SH3PXD2A: variants seen among roughly 807,000 people sequenced by gnomAD.
SH3PXD2A encodes SH3 and PX domain-containing protein 2A.
Under a neutral mutation model 115.2 loss-of-function variants are expected in SH3PXD2A, and 32 were observed. The ratio of observed to expected loss-of-function variants is 0.28; its 90% confidence interval spans 0.21 to 0.37. The LOEUF is 0.37. Among genes scored for constraint, SH3PXD2A ranks in the 10% least tolerant of loss-of-function variants. The pLI, the probability that SH3PXD2A is intolerant of heterozygous loss-of-function variation, is 1.00. For synonymous variants in SH3PXD2A, 610 were observed against 629.1 expected (o/e 0.97, Z 0.45); for missense variants, 1,328 against 1,498.7 (o/e 0.89, Z 1.88).
chr10:103,824,480 T>C (rs2039410721), intron 1 of SH3PXD2A, among the ~76,000 whole-genome samples: 1 of 152,098 alleles, frequency 6.6e-6, no homozygotes, highest in Non-Finnish European at 1.5e-5. Flanking sequence ...TCTGAGAACA[T>C]TTTCCTTATC....
chr10:103,847,845 A>G (rs1177617162), intron 1 of SH3PXD2A, among the ~76,000 whole-genome samples: 1 of 152,152 alleles, frequency 6.6e-6, no homozygotes, highest in Non-Finnish European at 1.5e-5. Flanking sequence ...AGGCTAAGGC[A>G]CGAGAATCGC....
chr10:103,817,148 C>CT lies in SH3PXD2A; in HGVS notation c.73-15787dup, dbSNP rs113978049. On this transcript the variant is annotated intron_variant, in intron 1 of 14. Coordinates refer to ENST00000369774, the MANE Select transcript of SH3PXD2A (RefSeq NM_001394015.1). ...TGTGAGCCACCATGCCCGGTCTATT[C>CT]TTTTTTTTTTTTAACTTTTATTTTA... 3.1e-3 allele frequency among the ~76,000 whole-genome samples: 438 copies of CT among 139,846 alleles called. 5 individuals carry two copies. The highest frequency in any genetic ancestry group is 0.01 in the African/African-American group (398 of 38,604). The allele number at this position is 139,846 out of a possible 152,430, so 91.7% of individuals were successfully genotyped here. A position where few individuals can be genotyped will look rare whatever the true frequency, so the allele number is the denominator to read the frequency against.
chr10:103,796,030 T>A (rs2039085022), intron 2 of SH3PXD2A, among the ~76,000 whole-genome samples: 1 of 151,934 alleles, frequency 6.6e-6, no homozygotes. Flanking sequence ...AGTGTGGGTG[T>A]TTGGCTATGT....
intron 3 of SH3PXD2A, among the ~76,000 whole-genome samples, chr10:103,762,137 T>A (rs1216299722): frequency 6.7e-6 from 1 of 149,064 alleles, no homozygotes; most frequent in Non-Finnish European, 1.5e-5. Flanking sequence ...TTCTCTCACC[T>A]CAGTCTCCCA....
At chr10:103,684,173 G>A (rs1029270550) in intron 6 of SH3PXD2A, among the ~76,000 whole-genome samples, 3 of 152,028 alleles carry the variant, frequency 2.0e-5, no homozygotes, top group South Asian at 4.2e-4. Flanking sequence ...TGTGCTTCAG[G>A]ACAGCCCTCC....
chr10:103,684,810 C>G (rs898186047), intron 6 of SH3PXD2A, among the ~76,000 whole-genome samples: 2 of 151,964 alleles, frequency 1.3e-5, no homozygotes, highest in South Asian at 4.2e-4. Context: ...AGGATAGTCA[C>G]TTGATCCTAG....
chr10:103,785,321 C>G (rs1356363999), intron 2 of SH3PXD2A, among the ~76,000 whole-genome samples: 3 of 152,128 alleles, frequency 2.0e-5, no homozygotes, highest in East Asian at 1.9e-4. Flanking sequence ...AGGGATTAGG[C>G]AATGGAACAG....
At chr10:103,852,077 A>C (rs868605931) in intron 1 of SH3PXD2A, among the ~76,000 whole-genome samples, 1 of 152,228 alleles carries the variant, frequency 6.6e-6, no homozygotes, top group Non-Finnish European at 1.5e-5. Flanking sequence ...TCAGAGGCCA[A>C]AGCCAGTTTA....
At chr10:103,787,716 C>A (rs556334059) in intron 2 of SH3PXD2A, among the ~76,000 whole-genome samples, 1 of 152,236 alleles carries the variant, frequency 6.6e-6, no homozygotes, top group Non-Finnish European at 1.5e-5. Flanking sequence ...CACCCAAAGA[C>A]CCTCTGCCAG....
At chr10:103,630,992 T>C (rs999755211) in intron 8 of SH3PXD2A, among the ~76,000 whole-genome samples, 1 of 152,190 alleles carries the variant, frequency 6.6e-6, no homozygotes, top group Non-Finnish European at 1.5e-5. Context: ...CAAGCCCTTA[T>C]ATATACATTT....
At chr10:103,636,797 C>G (rs966136515) in intron 8 of SH3PXD2A, among the ~76,000 whole-genome samples, 1 of 152,162 alleles carries the variant, frequency 6.6e-6, no homozygotes, top group African/African-American at 2.4e-5. Flanking sequence ...GAAATCCTCT[C>G]GTCCTCCCGC....
intron 13 of SH3PXD2A, among the ~76,000 whole-genome samples, chr10:103,608,028 G>T (rs1201444332): frequency 6.6e-6 from 1 of 151,588 alleles, no homozygotes; most frequent in Non-Finnish European, 1.5e-5. Context: ...AGGCCTCGGG[G>T]TCCTCTGCCT....
chr10:103,848,595 C>T (rs965501943), intron 1 of SH3PXD2A, among the ~76,000 whole-genome samples: 7 of 152,142 alleles, frequency 4.6e-5, no homozygotes, highest in African/African-American at 1.7e-4. Flanking sequence ...CATCCACCCT[C>T]GGCTTTGCCC....
intron 2 of SH3PXD2A, among the ~76,000 whole-genome samples, chr10:103,769,585 C>T (rs2038797975): frequency 6.6e-6 from 1 of 151,922 alleles, no homozygotes; most frequent in South Asian, 2.1e-4. Context: ...GTGTGTGCCA[C>T]CACGCCTGGC....
intron 13 of SH3PXD2A, among the ~76,000 whole-genome samples, chr10:103,606,177 T>TATCACC (rs2036297785): frequency 7.0e-6 from 1 of 142,726 alleles, no homozygotes; most frequent in Admixed American, 7.0e-5. Flanking sequence ...TTACTATTAC[T>TATCACC]ATCATCATCA....
At chr10:103,755,710 G>C (rs889334902) in intron 3 of SH3PXD2A, among the ~76,000 whole-genome samples, 1 of 152,178 alleles carries the variant, frequency 6.6e-6, no homozygotes, top group African/African-American at 2.4e-5. Flanking sequence ...GTATGAACCA[G>C]ATCTGCAGGA....
chr10:103,678,599 G>C (rs2037570815), intron 6 of SH3PXD2A, among the ~76,000 whole-genome samples: 1 of 152,220 alleles, frequency 6.6e-6, no homozygotes, highest in Non-Finnish European at 1.5e-5. Context: ...ACTTCTCTGG[G>C]CCTCACTGGT....
At chr10:103,659,555 T>G (rs969819252) in intron 8 of SH3PXD2A, among the ~76,000 whole-genome samples, 8 of 152,078 alleles carry the variant, frequency 5.3e-5, no homozygotes, top group Admixed American at 5.2e-4. Context: ...CGTGGCACCA[T>G]GAGCATGACA....
chr10:103,854,848 G>A (rs1455147553), intron 1 of SH3PXD2A, among the ~76,000 whole-genome samples: 1 of 152,172 alleles, frequency 6.6e-6, no homozygotes, highest in African/African-American at 2.4e-5. Context: ...CCTGGGGAGG[G>A]CCGAGGAGAT....
Sources: gnomAD v4.1 joint callset for allele counts (sites outside exome capture counted in the v4.1 genomes callset) on GRCh38, gnomAD v4.1.1 for gene constraint, MANE v1.5 for transcripts, NCBI Gene and HGNC (gene_info 2026-07-23, HGNC 2026-07-21) for gene names.